The following OCA2 variants were observed in gnomAD, a reference collection of about 807,000 sequenced individuals.
OCA2 encodes the protein P protein.
Under a neutral mutation model 100.2 loss-of-function variants are expected in OCA2, and 77 were observed. The ratio of observed to expected loss-of-function variants is 0.77; its 90% CI spans 0.64 to 0.93. The LOEUF (loss-of-function observed/expected upper bound fraction) is 0.93, where lower values mean the gene tolerates loss of function less well. Among genes scored for constraint, OCA2 ranks in the 40% least tolerant of loss-of-function variants. The probability of loss-of-function intolerance (pLI) is 0.00; values close to 1 mark genes in which losing one functional copy is unlikely to be tolerated. For missense variants in OCA2, 1,062 were observed against 1,089.1 expected, an observed-to-expected ratio of 0.98 and a Z score of 0.35; for synonymous variants, 432 against 439.2, an observed-to-expected ratio of 0.98 and a Z score of 0.21.
At chr15:28,007,520 G>A (rs1048790949) in intron 9 of OCA2, among the ~76,000 whole-genome samples, 1 of 152,160 alleles carries the variant, frequency 6.6e-6, no homozygotes, top group Non-Finnish European at 1.5e-5. Context: ...CACGAGGTCA[G>A]GAGTTCGAGA....
intron 15 of OCA2, 113 bp downstream of exon 15, chr15:27,966,577 T>C (rs750389903): frequency 1.7e-6 from 2 of 1,170,266 alleles, no homozygotes; most frequent in Non-Finnish European, 2.6e-6. Context: ...GTCACTGGTA[T>C]TGAGCATCCA....
intron 19 of OCA2, among the ~76,000 whole-genome samples, chr15:27,899,686 A>C (rs2037844851): frequency 6.6e-6 from 1 of 152,230 alleles, no homozygotes; most frequent in African/African-American, 2.4e-5. Flanking sequence ...TCCATTACCC[A>C]GAAGCAGCTG....
At chr15:27,990,033 G>T (rs1350598918) in intron 10 of OCA2, among the ~76,000 whole-genome samples, 2 of 152,032 alleles carry the variant, frequency 1.3e-5, no homozygotes, top group African/African-American at 4.8e-5. Flanking sequence ...CTCTCAGCTG[G>T]GTTCCAGCAC....
intron 23 of OCA2, among the ~76,000 whole-genome samples, chr15:27,818,104 T>C (rs913320967): frequency 6.6e-6 from 1 of 152,188 alleles, no homozygotes; most frequent in Non-Finnish European, 1.5e-5. Flanking sequence ...TAAAATATCA[T>C]CTCTGGCTGG....
At chr15:28,056,923 C>A (rs1388688558) in intron 2 of OCA2, among the ~76,000 whole-genome samples, 1 of 152,262 alleles carries the variant, frequency 6.6e-6, no homozygotes, top group African/African-American at 2.4e-5. Flanking sequence ...AGCTGCCTGC[C>A]CCCTGCCTCT....
chr15:27,888,476 T>A (rs1357163516), intron 19 of OCA2, among the ~76,000 whole-genome samples: 1 of 152,138 alleles, frequency 6.6e-6, no homozygotes, highest in Admixed American at 6.5e-5. Flanking sequence ...CACTGAGATA[T>A]ATCGGATGCT....
At chr15:28,066,123 T>TG (rs1443026634) in intron 2 of OCA2, among the ~76,000 whole-genome samples, 3 of 152,176 alleles carry the variant, frequency 2.0e-5, no homozygotes, top group Non-Finnish European at 4.4e-5. Context: ...GTACCAACAC[T>TG]GAACAAATGT....
chr15:28,077,562 A>C (rs868402887), intron 2 of OCA2, among the ~76,000 whole-genome samples: 1 of 152,174 alleles, frequency 6.6e-6, no homozygotes, highest in Non-Finnish European at 1.5e-5. Context: ...CATACAGAGC[A>C]GGCGCAGGGT....
intron 23 of OCA2, among the ~76,000 whole-genome samples, chr15:27,795,226 C>A (rs942248492): frequency 3.3e-5 from 5 of 152,150 alleles, no homozygotes; most frequent in African/African-American, 1.2e-4. Context: ...CCGTACTGAA[C>A]CCTTATTTAA....
At chr15:27,771,443 G>A (rs945165336) in intron 23 of OCA2, among the ~76,000 whole-genome samples, 2 of 151,848 alleles carry the variant, frequency 1.3e-5, no homozygotes, top group Non-Finnish European at 2.9e-5. Context: ...GCCCCTCCGT[G>A]TGCTCCGCAG....
At chr15:28,059,495 T>G (rs1461116866) in intron 2 of OCA2, among the ~76,000 whole-genome samples, 4 of 152,160 alleles carry the variant, frequency 2.6e-5, no homozygotes, top group Admixed American at 2.0e-4. Context: ...GAGCTATGAC[T>G]GCACCACTGC....
chr15:27,862,559 C>A (rs1185035370), intron 21 of OCA2, among the ~76,000 whole-genome samples: 1 of 151,450 alleles, frequency 6.6e-6, no homozygotes, highest in East Asian at 1.9e-4. Flanking sequence ...ACTGCAACCT[C>A]CGCCCCCTGG....
downstream of OCA2, among the ~76,000 whole-genome samples, chr15:27,752,404 A>G (rs557323208): frequency 4.9e-4 from 74 of 152,352 alleles, 1 homozygote; most frequent in South Asian, 0.014. Flanking sequence ...ATAATTCTGT[A>G]GACAGCGTCA....
chr15:27,948,427 G>A (rs1377614276), intron 18 of OCA2, among the ~76,000 whole-genome samples: 3 of 152,154 alleles, frequency 2.0e-5, no homozygotes, highest in Non-Finnish European at 4.4e-5. Context: ...GTGCTCAGAA[G>A]TGTCTGGAGT....
intron 11 of OCA2, 46 bp from the exon 12 acceptor site, chr15:27,986,689 C>T: frequency 8.0e-7 from 1 of 1,246,760 alleles, no homozygotes; most frequent in Non-Finnish European, 1.2e-6. Context: ...AGCAGGACAC[C>T]ATATTAAAAC....
Position 28,062,125 on chromosome 15 carries a change from C to G in OCA2, c.227+19523G>C, listed in dbSNP as rs79503560. 8.6e-3 allele frequency among the ~76,000 whole-genome samples: 1,317 copies of G among 152,328 alleles called. 18 individuals carry two copies. The highest frequency in any genetic ancestry group is 0.03 in the African/African-American group (1,259 of 41,580). On this transcript the variant is annotated intron_variant, in intron 2 of 23. Coordinates refer to ENST00000354638, the MANE Select transcript of OCA2 (RefSeq NM_000275.3). ...TATCAAATGGCAACTCCATGCTGAA[C>G]AGTTTGAGGAACTGCTGAACTGTTT...
chr15:27,838,753 G>T (rs1406380761), intron 23 of OCA2, among the ~76,000 whole-genome samples: 1 of 152,194 alleles, frequency 6.6e-6, no homozygotes, highest in African/African-American at 2.4e-5. Flanking sequence ...ATGAAACCCA[G>T]AGAAGGTACG....
intron 2 of OCA2, among the ~76,000 whole-genome samples, chr15:28,045,749 A>G (rs1352733205): frequency 6.6e-6 from 1 of 152,226 alleles, no homozygotes; most frequent in African/African-American, 2.4e-5. Context: ...TTTTACAGAG[A>G]AATCCAGTAT....
chr15:28,022,456 G>C, intron 6 of OCA2, 45 bp downstream of exon 6: 3 of 1,384,440 alleles, frequency 2.2e-6, no homozygotes, highest in Non-Finnish European at 3.1e-6. Context: ...TTGTGTTTCA[G>C]ATCTCAGCCA....
Sources: gnomAD v4.1 joint callset for allele counts (sites outside exome capture counted in the v4.1 genomes callset) on GRCh38, gnomAD v4.1.1 for gene constraint, MANE v1.5 for transcripts, NCBI Gene and HGNC (gene_info 2026-07-23, HGNC 2026-07-21) for gene names.